The following TATDN2 variants were observed in gnomAD, a reference collection of about 807,000 sequenced individuals.
The protein encoded by TATDN2 is 3'-5' RNA nuclease TATDN2.
In TATDN2, 44 loss-of-function variants were observed where a neutral mutation model predicts 60.3. The observed-to-expected ratio is 0.73, with a 90% CI of 0.57 to 0.94. The LOEUF (loss-of-function observed/expected upper bound fraction) is 0.94, where lower values mean the gene tolerates loss of function less well. Ranked by LOEUF, TATDN2 falls within the 40% of genes least tolerant of loss-of-function variation. The pLI, the probability that TATDN2 is intolerant of heterozygous loss-of-function variation, is 0.00. For synonymous variants in TATDN2, 399 were observed against 355.8 expected (o/e 1.12, Z -1.37); for missense variants, 997 against 948.0 (o/e 1.05, Z -0.68).
rs370821374 is a variant in TATDN2, at chr3:10,279,172, T to G, written c.*39-49T>G. On this transcript the variant is annotated intron_variant, in intron 7 of 7. Coordinates refer to ENST00000448281, the MANE Select transcript of TATDN2 (RefSeq NM_014760.4). The stretch of plus-strand genomic sequence containing the variant: ...GTATGAGCATTAAGCCTGATTTGTT[T>G]TGAGTGACATGGTTTGGAACCTTCT... The G allele has an allele frequency of 1.7e-4, 190 of 1,150,362 alleles. No individual in the cohort carries two copies. The African/African-American group carries it at 2.5e-3, about 15-fold the overall frequency. 71.3% of individuals were successfully genotyped at this position (1,150,362 alleles called of 1,614,324 possible).
rs1214354709 is a variant in TATDN2, at chr3:10,248,469, G to C, written c.-605G>C. The C allele has an allele frequency of 3.9e-5, 6 of 152,156 alleles. No homozygotes were observed. Among genetic ancestry groups the C allele is most frequent in the African/African-American group, 1.4e-4 (6 of 41,448 alleles). 9.4% of individuals were successfully genotyped at this position (152,156 alleles called of 1,614,324 possible). On this transcript the variant is annotated 5_prime_UTR_variant, in exon 1 of 8. Transcript: ENST00000448281. ...GCAGGCCCCGCCCCTGTCGCTCTCC[G>C]GCCTGCGGGCCGCAGGGCTCGTTCC...
chr3:10,270,984 A>T lies in TATDN2; in HGVS notation c.1802A>T (p.Lys601Met). 6.2e-7 allele frequency: 1 copy of T among 1,606,406 alleles called. No homozygotes were observed. The highest frequency in any genetic ancestry group is 8.5e-7 in the Non-Finnish European group (1 of 1,176,762). ...GAAATGGGCTTGGATTACTCTTACAAGTGCACCACGCCTGTCCCAGAACAG... is the reference window on the plus strand; with the variant it reads ...GAAATGGGCTTGGATTACTCTTACATGTGCACCACGCCTGTCCCAGAACAG... ...FGEMGLDYSY[K>M]CTTPVPEQHK... The change falls in exon 4 of 8, where the codon AAG becomes ATG. Residue 601 changes from lysine (K) to methionine (M), a missense_variant. Coordinates refer to ENST00000448281, the MANE Select transcript of TATDN2 (RefSeq NM_014760.4).
intron 2 of TATDN2, among the ~76,000 whole-genome samples, chr3:10,251,737 C>T (rs2125170848): frequency 6.6e-6 from 1 of 152,162 alleles, no homozygotes; most frequent in Middle Eastern, 3.4e-3. Context: ...AACGATTTCC[C>T]AGGCTGAAGT....
intron 2 of TATDN2, among the ~76,000 whole-genome samples, chr3:10,252,945 C>T (rs1698253555): frequency 6.6e-6 from 1 of 151,542 alleles, no homozygotes; most frequent in Admixed American, 6.6e-5. Context: ...CAAGCTCCGC[C>T]TCCCGGGTTC....
chr3:10,258,195 A>G (rs114841422), intron 2 of TATDN2, among the ~76,000 whole-genome samples: 97 of 151,942 alleles, frequency 6.4e-4, no homozygotes, highest in African/African-American at 2.3e-3. Context: ...GATTCAGGAT[A>G]ATGATTAAAA....
intron 3 of TATDN2, among the ~76,000 whole-genome samples, chr3:10,261,169 C>T (rs1310061715): frequency 1.3e-5 from 2 of 152,170 alleles, no homozygotes; most frequent in African/African-American, 4.8e-5. Context: ...TCAAGAGTTG[C>T]ACATGTTGTA....
At chr3:10,257,849 T>TTTTTTTTTTTTTTTG in intron 2 of TATDN2, among the ~76,000 whole-genome samples, 1 of 65,394 alleles carries the variant, frequency 1.5e-5, no homozygotes, top group Non-Finnish European at 2.6e-5. Flanking sequence ...TGATTTTTTT[T>TTTTTTTTTTTTTTTG]TTTTTTTTTT....
Position 10,270,935 on chromosome 3 carries a change from C to T in TATDN2, c.1753C>T (p.His585Tyr). Reference sequence around the variant, plus strand: ...AAGAAATCTTTTGCAAGCCTTAAGGCACCCTAAGGCTGTGGCATTTGGAGA... The same window carrying T: ...AAGAAATCTTTTGCAAGCCTTAAGGTACCCTAAGGCTGTGGCATTTGGAGA... ...QERNLLQALR[H>Y]PKAVAFGEMG... is the part of the protein sequence containing the mutation. The change falls in exon 4 of 8, where the codon CAC (histidine) becomes TAC (tyrosine). Residue 585 changes from histidine (H) to tyrosine (Y), a missense_variant. His to Tyr is a moderately conservative substitution (Grantham distance 83). Transcript: ENST00000448281. 6.2e-7 allele frequency: 1 copy of T among 1,613,948 alleles called. No individual in the cohort carries two copies.
In TATDN2 at chr3:10,260,159, A is replaced by G. The variant is rs2125174337; in HGVS notation, c.437A>G (p.His146Arg). 3 of 1,612,648 alleles carry G rather than the reference A, an allele frequency of 1.9e-6. No individual in the cohort carries two copies. Among genetic ancestry groups the G allele is most frequent in the Non-Finnish European group, 1.7e-6 (2 of 1,179,606 alleles). ...CAGGTTGATTCCAAAGATAGTTCTC[A>G]TAACTCCACAAACTCTGAATTTGCA... ...SLKVDSKDSS[H>R]NSTNSEFAAE... Residue 146 changes from histidine to arginine, a missense_variant, in exon 3 of 8, where the codon CAT (histidine) becomes CGT (arginine). Transcript: ENST00000448281.
intron 3 of TATDN2, among the ~76,000 whole-genome samples, chr3:10,262,220 G>T (rs750999934): frequency 6.6e-6 from 1 of 152,076 alleles, no homozygotes; most frequent in Non-Finnish European, 1.5e-5. Flanking sequence ...ACTGCCTGCC[G>T]TCAGGCCAGC....
At chr3:10,269,568 G>A (rs893732762) in intron 3 of TATDN2, among the ~76,000 whole-genome samples, 4 of 152,140 alleles carry the variant, frequency 2.6e-5, no homozygotes, top group African/African-American at 9.7e-5. Context: ...AGATGTGGTG[G>A]TGCGTGCCTG....
At chr3:10,267,274 A>C (rs1433356212) in intron 3 of TATDN2, among the ~76,000 whole-genome samples, 1 of 141,234 alleles carries the variant, frequency 7.1e-6, no homozygotes, top group East Asian at 2.1e-4. Context: ...ACCCCCCGAC[A>C]AAAAAAAAAA....
intron 2 of TATDN2, 95 bp downstream of exon 2, chr3:10,249,709 A>G: frequency 1.5e-6 from 2 of 1,348,830 alleles, no homozygotes; most frequent in Non-Finnish European, 1.9e-6. Context: ...ACTACAAAAC[A>G]TTACATCCTT....
At chr3:10,273,445 T>C (rs538954340) in intron 4 of TATDN2, among the ~76,000 whole-genome samples, 1 of 152,084 alleles carries the variant, frequency 6.6e-6, no homozygotes. Context: ...ATGTTTTATC[T>C]TGTGAAGGGA....
chr3:10,250,028 T>A (rs949678268), intron 2 of TATDN2, among the ~76,000 whole-genome samples: 5 of 152,100 alleles, frequency 3.3e-5, no homozygotes, highest in African/African-American at 1.2e-4. Context: ...ATGTATTTAT[T>A]TTAGTTGTCA....
intron 2 of TATDN2, among the ~76,000 whole-genome samples, chr3:10,257,293 A>G (rs955193101): frequency 4.9e-5 from 6 of 121,612 alleles, no homozygotes; most frequent in African/African-American, 2.0e-4. Context: ...TCAAAAAAAA[A>G]TTATATATAT....
At chr3:10,258,228 A>G (rs1485919442) in intron 2 of TATDN2, among the ~76,000 whole-genome samples, 2 of 151,922 alleles carry the variant, frequency 1.3e-5, no homozygotes, top group Non-Finnish European at 2.9e-5. Flanking sequence ...TGCTCTTCGG[A>G]AAAAAATTTC....
At chr3:10,250,247 A>T (rs1698201309) in intron 2 of TATDN2, among the ~76,000 whole-genome samples, 1 of 134,618 alleles carries the variant, frequency 7.4e-6, no homozygotes, top group African/African-American at 3.2e-5. Context: ...TTTCATAAGT[A>T]CTTTGAGCAG....
Position 10,249,415 on chromosome 3 carries a change from G to A in TATDN2, c.215G>A (p.Gly72Asp), listed in dbSNP as rs573040834. The change falls in exon 2 of 8, where the codon GGC (glycine) becomes GAC (aspartate). Residue 72 changes from glycine (G) to aspartate (D), a missense_variant. Physicochemically the swap from Gly to Asp is moderately conservative, Grantham distance 94. Coordinates refer to ENST00000448281, the MANE Select transcript of TATDN2 (RefSeq NM_014760.4). ...GCTTGCTCGCGGAGGTTATCCTGGGGCTCATCCCGCCGCAGAAATAACTCC... is the reference window on the plus strand; with the variant it reads ...GCTTGCTCGCGGAGGTTATCCTGGGACTCATCCCGCCGCAGAAATAACTCC... ...DVACSRRLSWGSSRRRNNSSS... is the reference protein window; with the variant it reads ...DVACSRRLSWDSSRRRNNSSS... 3.1e-4 allele frequency: 507 copies of A among 1,613,360 alleles called. 6 individuals carry two copies. The South Asian group carries it at 5.3e-3, about 17-fold the overall frequency.
Sources: gnomAD v4.1 joint callset for allele counts (sites outside exome capture counted in the v4.1 genomes callset) on GRCh38, gnomAD v4.1.1 for gene constraint, MANE v1.5 for transcripts, NCBI Gene and HGNC (gene_info 2026-07-23, HGNC 2026-07-21) for gene names.